Variants in FANCI observed in about 807,000 individuals in gnomAD.
The protein encoded by FANCI is Fanconi anemia group I protein.
In FANCI, 156 loss-of-function variants were observed where a neutral mutation model predicts 176.1. That is an observed-to-expected ratio of 0.89 (90% CI 0.78 to 1.01). FANCI has a LOEUF of 1.01. FANCI is among the 50% of genes least tolerant of loss of function. The pLI is 0.00. For synonymous variants in FANCI, 613 were observed against 541.7 expected (o/e 1.13, Z -1.83); for missense variants, 1,678 against 1,534.1 (o/e 1.09, Z -1.57).
At chr15:89,284,611 T>A (rs2151602386) in intron 17 of FANCI, among the ~76,000 whole-genome samples, 1 of 152,330 alleles carries the variant, frequency 6.6e-6, no homozygotes, top group South Asian at 2.1e-4. Context: ...GGATTAGGAA[T>A]TCTTGGTCTA....
In FANCI at chr15:89,316,472, A is replaced by G; in HGVS notation, c.*13A>G. 1 of 1,604,156 alleles carries G rather than the reference A, an allele frequency of 6.2e-7. No individual in the cohort carries two copies. Among genetic ancestry groups the G allele is most frequent in the South Asian group, 1.1e-5 (1 of 89,566 alleles). ...AAGGAAAAAATAAATGAAATGCCTG[A>G]GTTAATGTGAACTTTGGGGCTTCTG... On this transcript the variant is annotated 3_prime_UTR_variant, in exon 38 of 38. Transcript: ENST00000310775.
chr15:89,257,008 G>A (rs1408426689), intron 2 of FANCI, among the ~76,000 whole-genome samples: 3 of 152,156 alleles, frequency 2.0e-5, no homozygotes, highest in South Asian at 2.1e-4. Flanking sequence ...CCGGGTTCAT[G>A]CCATTCTCCT....
At chr15:89,306,652 A>G (rs1171571509) in intron 32 of FANCI, among the ~76,000 whole-genome samples, 3 of 152,152 alleles carry the variant, frequency 2.0e-5, no homozygotes, top group South Asian at 4.1e-4. Flanking sequence ...AGATTGTGCC[A>G]CTGTACTCCA....
chr15:89,265,708 A>G (rs552456394), intron 9 of FANCI, among the ~76,000 whole-genome samples: 1 of 151,438 alleles, frequency 6.6e-6, no homozygotes, highest in East Asian at 2.0e-4. Flanking sequence ...TATTTTTAGT[A>G]GCGATGGGGT....
chr15:89,292,849 G>C lies in FANCI; in HGVS notation c.2154G>C (p.Leu718=), dbSNP rs1490463939. 6.2e-7 allele frequency: 1 copy of C among 1,614,064 alleles called. No homozygotes were observed. The highest frequency in any genetic ancestry group is 1.1e-5 in the South Asian group (1 of 91,072). The change falls in exon 21 of 38, where the codon CTG becomes CTC. Residue 718 remains leucine, a synonymous_variant. Coordinates refer to ENST00000310775, the MANE Select transcript of FANCI (RefSeq NM_001113378.2). ...SITNRMIKSE[L]EDFELDKSAD... is the part of the protein sequence containing the mutation. Reference sequence around the variant, plus strand: ...CTAATAGAATGATTAAGAGTGAGCTGGAAGACTTTGAACTGGTAATTGCTA... The same window carrying C: ...CTAATAGAATGATTAAGAGTGAGCTCGAAGACTTTGAACTGGTAATTGCTA...
At chr15:89,268,592 T>C (rs979450699) in intron 10 of FANCI, 67 bp downstream of exon 10, 9 of 1,586,252 alleles carry the variant, frequency 5.7e-6, no homozygotes, top group African/African-American at 1.3e-5. Context: ...TAAGCCACTG[T>C]TATGCCAGTT....
At position 89,265,998 on chromosome 15, in the gene FANCI, C is replaced by CTT. The variant is rs34447883; in HGVS notation, c.755+1408_755+1409dup. Among the ~76,000 whole-genome samples, 206 of 132,024 alleles carry CTT rather than the reference C, an allele frequency of 1.6e-3. 1 individual carries two copies. Among genetic ancestry groups the CTT allele is most frequent in the East Asian group, 8.1e-3 (37 of 4,568 alleles). 86.6% of individuals were successfully genotyped at this position (132,024 alleles called of 152,430 possible). A position where few individuals can be genotyped will look rare whatever the true frequency, so the allele number is the denominator to read the frequency against. ...ATTTATTAGAGGTGGTTTCTTATTT[C>CTT]TTTTTTTTTTTTTTTTTTAAGAGTG... On this transcript the variant is annotated intron_variant, in intron 9 of 37. Coordinates refer to ENST00000310775, the MANE Select transcript of FANCI (RefSeq NM_001113378.2).
intron 22 of FANCI, among the ~76,000 whole-genome samples, chr15:89,293,580 C>T (rs756238178): frequency 1.3e-5 from 2 of 151,996 alleles, no homozygotes; most frequent in African/African-American, 4.8e-5. Context: ...CCTAGCTACT[C>T]GGGAGGCTGA....
rs976393260 is a variant in FANCI, at chr15:89,314,641, C to T, written c.3750C>T (p.Ile1250=). ...GAGTTCTTCGGGAAACCAAGCCAAT[C>T]CCTAACCTCATCTTTGCCATAGAAC... is the stretch of plus-strand genomic sequence containing the variant. ...MARVLRETKP[I]PNLIFAIEQY... The change falls in exon 36 of 38, where the codon ATC becomes ATT. Residue 1250 remains isoleucine, a synonymous_variant. Coordinates refer to ENST00000310775, the MANE Select transcript of FANCI (RefSeq NM_001113378.2). The T allele has an allele frequency of 1.2e-6, 2 of 1,613,984 alleles. No individual in the cohort carries two copies. The highest frequency in any genetic ancestry group is 2.2e-5 in the East Asian group (1 of 44,900).
chr15:89,251,353 A>T (rs2052240351), intron 2 of FANCI, among the ~76,000 whole-genome samples: 1 of 152,222 alleles, frequency 6.6e-6, no homozygotes, highest in Admixed American at 6.5e-5. Flanking sequence ...GCCCAGATAG[A>T]TTGGCAGGAA....
chr15:89,309,324 A>G (rs1210833556), intron 34 of FANCI, among the ~76,000 whole-genome samples: 4 of 152,160 alleles, frequency 2.6e-5, no homozygotes, highest in African/African-American at 9.7e-5. Context: ...AGTCTTAATG[A>G]TACCTATAAA....
intron 2 of FANCI, among the ~76,000 whole-genome samples, chr15:89,258,402 T>A (rs2052585401): frequency 6.6e-6 from 1 of 152,238 alleles, no homozygotes; most frequent in Non-Finnish European, 1.5e-5. Context: ...TGTTCATCTT[T>A]ATAACATGCC....
intron 27 of FANCI, 134 bp from the exon 28 acceptor site, chr15:89,303,730 C>G (rs1017539774): frequency 1.4e-6 from 1 of 701,068 alleles, no homozygotes; most frequent in African/African-American, 1.8e-5. Context: ...TCATATATTA[C>G]CACTTGAGAT....
At chr15:89,307,931 C>T (rs536915719) in intron 34 of FANCI, 27 of 1,354,920 alleles carry the variant, frequency 2.0e-5, no homozygotes, top group Admixed American at 6.1e-5. Context: ...AACAAGCATG[C>T]TCAGGCTCAA....
chr15:89,277,005 C>A, intron 13 of FANCI, 114 bp downstream of exon 13: 2 of 1,023,770 alleles, frequency 2.0e-6, no homozygotes, highest in Non-Finnish European at 3.1e-6. Context: ...ATTAGTTTGA[C>A]AGAGGATATA....
At chr15:89,286,510 A>G (rs990314249) in intron 18 of FANCI, among the ~76,000 whole-genome samples, 9 of 152,192 alleles carry the variant, frequency 5.9e-5, no homozygotes, top group Non-Finnish European at 7.3e-5. Flanking sequence ...GAGCTCTTAG[A>G]TGCCTAGGTG....
At chr15:89,260,283 TC>T (rs1408416991) in intron 3 of FANCI, among the ~76,000 whole-genome samples, 6 of 152,166 alleles carry the variant, frequency 3.9e-5, no homozygotes, top group Non-Finnish European at 8.8e-5. Context: ...CAAATGGAGA[TC>T]CCCTTATCCA....
At chr15:89,310,952 G>A (rs7161856) in intron 34 of FANCI, among the ~76,000 whole-genome samples, 85,014 of 151,830 alleles carry the variant, frequency 0.56, 25,486 homozygotes, top group African/African-American at 0.79. Flanking sequence ...GTGAAATCCC[G>A]TCTCAACTAA....
Position 89,281,172 on chromosome 15 carries a change from C to T in FANCI, c.1384C>T (p.Leu462=), listed in dbSNP as rs1369888767. 1.2e-6 allele frequency: 2 copies of T among 1,613,116 alleles called. No homozygotes were observed. The highest frequency in any genetic ancestry group is 2.2e-5 in the South Asian group (2 of 91,020). The part of the protein sequence containing the change: ...ASSPISHFLD[L]LSNIVMYAPL... The stretch of plus-strand genomic sequence containing the variant: ...TGATTATAGATTCTGTTTTTCAGAC[C>T]TGCTTTCAAATATCGTCATGTATGC... The change falls in exon 15 of 38, where the codon CTG becomes TTG. Residue 462 remains leucine, a splice_region_variant and synonymous_variant. Coordinates refer to ENST00000310775, the MANE Select transcript of FANCI (RefSeq NM_001113378.2).
Sources: allele counts gnomAD v4.1 joint callset (sites outside exome capture counted in the v4.1 genomes callset), GRCh38; gene constraint gnomAD v4.1.1; transcripts MANE v1.5; gene names NCBI Gene and HGNC (gene_info 2026-07-23, HGNC 2026-07-21).